USP10: variants seen among roughly 807,000 people sequenced by gnomAD.
The protein encoded by USP10 is ubiquitin carboxyl-terminal hydrolase 10.
Under a neutral mutation model 84.5 loss-of-function variants are expected in USP10, and 22 were observed. The ratio of observed to expected loss-of-function variants is 0.26; its 90% CI spans 0.19 to 0.37. The LOEUF is 0.37. Among genes scored for constraint, USP10 ranks in the 10% least tolerant of loss-of-function variants. The pLI, the probability that USP10 is intolerant of heterozygous loss-of-function variation, is 1.00. For synonymous variants in USP10, 454 were observed against 387.6 expected (o/e 1.17, Z -2.01); for missense variants, 1,019 against 998.9 (o/e 1.02, Z -0.27).
intron 1 of USP10, among the ~76,000 whole-genome samples, chr16:84,715,179 C>G (rs1429876562): frequency 2.0e-5 from 3 of 152,142 alleles, no homozygotes; most frequent in African/African-American, 7.2e-5. Flanking sequence ...ATCTGCCCGC[C>G]TAGGCCTCCC....
At chr16:84,748,465 G>A (rs1167439155) in intron 4 of USP10, among the ~76,000 whole-genome samples, 6 of 151,920 alleles carry the variant, frequency 3.9e-5, no homozygotes, top group Non-Finnish European at 8.8e-5. Context: ...CACCACGCCA[G>A]GCTAATTTTT....
chr16:84,755,010 T>C (rs1912365969), intron 4 of USP10, among the ~76,000 whole-genome samples: 1 of 149,998 alleles, frequency 6.7e-6, no homozygotes, highest in Non-Finnish European at 1.5e-5. Flanking sequence ...AAAGGAGCTG[T>C]GTTTTCAGAC....
At position 84,745,351 on chromosome 16, in the gene USP10, T is replaced by C. The variant is rs1555543774; in HGVS notation, c.870T>C (p.Leu290=). The change falls in exon 4 of 14, where the codon CTT becomes CTC. Residue 290 remains leucine, a synonymous_variant. Transcript: ENST00000219473. ...TTGGAGTTGCTAATGGACAAATACTTGAATCCTCGGGTGAGGGCACAGCTA... is the reference window on the plus strand; with the variant it reads ...TTGGAGTTGCTAATGGACAAATACTCGAATCCTCGGGTGAGGGCACAGCTA... ...ENLGVANGQI[L]ESSGEGTATN... is the part of the protein sequence containing the mutation. 2 of 1,613,116 alleles carry C rather than the reference T, an allele frequency of 1.2e-6. No individual in the cohort carries two copies. Among genetic ancestry groups the C allele is most frequent in the South Asian group, 2.2e-5 (2 of 91,024 alleles).
At chr16:84,751,973 C>G (rs1367489596) in intron 4 of USP10, among the ~76,000 whole-genome samples, 2 of 152,026 alleles carry the variant, frequency 1.3e-5, no homozygotes, top group South Asian at 4.1e-4. Context: ...TAAACAATTT[C>G]AGTGGGCTGA....
chr16:84,740,993 G>A (rs998951194), intron 3 of USP10, among the ~76,000 whole-genome samples: 2 of 152,246 alleles, frequency 1.3e-5, no homozygotes, highest in African/African-American at 4.8e-5. Flanking sequence ...ATTGCAGGCT[G>A]CCCTTGCACA....
intron 4 of USP10, among the ~76,000 whole-genome samples, chr16:84,758,402 T>G (rs1035918718): frequency 1.3e-5 from 2 of 152,178 alleles, no homozygotes; most frequent in African/African-American, 4.8e-5. Context: ...TCAAATCTAT[T>G]CTCTAATAAT....
At chr16:84,739,062 C>CATT (rs1910295725) in intron 2 of USP10, among the ~76,000 whole-genome samples, 1 of 142,746 alleles carries the variant, frequency 7.0e-6, no homozygotes. Flanking sequence ...CTTCCTAAAC[C>CATT]TTTTTTTTTT....
chr16:84,714,630 C>G (rs1015524216), intron 1 of USP10, among the ~76,000 whole-genome samples: 2 of 151,876 alleles, frequency 1.3e-5, no homozygotes, highest in African/African-American at 4.8e-5. Context: ...TTTATGCATA[C>G]TAAAAATGGT....
intron 1 of USP10, among the ~76,000 whole-genome samples, chr16:84,714,926 A>AT (rs1906806572): frequency 6.7e-6 from 1 of 148,986 alleles, no homozygotes; most frequent in African/African-American, 2.5e-5. Flanking sequence ...TATTATTATT[A>AT]TTATTATTAT....
intron 4 of USP10, among the ~76,000 whole-genome samples, chr16:84,751,598 T>C (rs1022939362): frequency 1.3e-5 from 2 of 152,200 alleles, no homozygotes; most frequent in African/African-American, 4.8e-5. Context: ...AGTTGATCTG[T>C]AGTCAATGGG....
chr16:84,719,280 A>G (rs1567597472), intron 1 of USP10, among the ~76,000 whole-genome samples: 1 of 152,198 alleles, frequency 6.6e-6, no homozygotes, highest in Non-Finnish European at 1.5e-5. Flanking sequence ...AACTGAATGG[A>G]GAAGTAGCTC....
chr16:84,777,234 C>T (rs1915116041), intron 13 of USP10, among the ~76,000 whole-genome samples: 1 of 152,228 alleles, frequency 6.6e-6, no homozygotes, highest in Non-Finnish European at 1.5e-5. Flanking sequence ...GGGTAGTTAA[C>T]TGGGCTGCTG....
intron 4 of USP10, among the ~76,000 whole-genome samples, chr16:84,750,199 G>A (rs527850229): frequency 6.6e-6 from 1 of 152,154 alleles, no homozygotes; most frequent in East Asian, 1.9e-4. Flanking sequence ...CTTGAGGCCA[G>A]GAGTTCAAGA....
chr16:84,733,944 A>C (rs1295729066), intron 2 of USP10, among the ~76,000 whole-genome samples: 2 of 152,212 alleles, frequency 1.3e-5, no homozygotes, highest in African/African-American at 4.8e-5. Context: ...TGTATTCTTT[A>C]TGCTAAGAAA....
At chr16:84,713,193 C>T (rs1906535091) in intron 1 of USP10, among the ~76,000 whole-genome samples, 1 of 152,204 alleles carries the variant, frequency 6.6e-6, no homozygotes, top group African/African-American at 2.4e-5. Flanking sequence ...CATTCACCCA[C>T]TAGTTATTTA....
intron 12 of USP10, 123 bp downstream of exon 12, chr16:84,772,808 G>GT (rs1914596726): frequency 1.5e-6 from 2 of 1,321,756 alleles, no homozygotes; most frequent in Admixed American, 2.6e-5. Context: ...ACGTGGACTT[G>GT]TTTTAAGTTT....
intron 4 of USP10, among the ~76,000 whole-genome samples, chr16:84,752,401 T>A (rs1467197713): frequency 6.6e-6 from 1 of 152,232 alleles, no homozygotes; most frequent in African/African-American, 2.4e-5. Flanking sequence ...CCAATGGCAA[T>A]GACTTTGGAA....
At chr16:84,766,903 A>C (rs1913927163) in intron 10 of USP10, among the ~76,000 whole-genome samples, 1 of 152,208 alleles carries the variant, frequency 6.6e-6, no homozygotes, top group East Asian at 1.9e-4. Flanking sequence ...TCTAAAACTC[A>C]GCCTCTTCAG....
intron 1 of USP10, among the ~76,000 whole-genome samples, chr16:84,714,153 T>A (rs1013941028): frequency 6.6e-6 from 1 of 152,124 alleles, no homozygotes; most frequent in African/African-American, 2.4e-5. Context: ...AGAGACCCAG[T>A]TGAGAAGCGT....
Sources: allele counts gnomAD v4.1 joint callset (sites outside exome capture counted in the v4.1 genomes callset), GRCh38; gene constraint gnomAD v4.1.1; transcripts MANE v1.5; gene names NCBI Gene and HGNC (gene_info 2026-07-23, HGNC 2026-07-21).